The following OR5AN1 variants were observed in gnomAD, a reference collection of about 807,000 sequenced individuals.
OR5AN1 encodes olfactory receptor family 5 subfamily AN member 1.
For missense variants in OR5AN1, 476 were observed against 368.9 expected, an observed-to-expected ratio of 1.29 and a Z score of -2.38; for synonymous variants, 167 against 131.8, an observed-to-expected ratio of 1.27 and a Z score of -1.83.
intron 1 of OR5AN1, 179 bp downstream of exon 1, chr11:59,359,451 A>G (rs1565051518): frequency 6.6e-6 from 1 of 152,170 alleles, no homozygotes; most frequent in Non-Finnish European, 1.5e-5. Flanking sequence ...TTTCAGAGGA[A>G]TTTCCTCAGA....
chr11:59,369,458 C>G lies in OR5AN1; in HGVS notation c.*4064C>G, dbSNP rs1175876373. The G allele has an allele frequency of 6.6e-6, 1 of 152,026 alleles. No individual in the cohort carries two copies. The allele number at this position is 152,026 out of a possible 1,614,324, so 9.4% of individuals were successfully genotyped here. A position where few individuals can be genotyped will look rare whatever the true frequency, so the allele number is the denominator to read the frequency against. On this transcript the variant is annotated 3_prime_UTR_variant, in exon 2 of 2. Coordinates refer to ENST00000641998, the MANE Select transcript of OR5AN1 (RefSeq NM_001004729.2). ...TCTGACAGAGCTGAATAGCGCAATA[C>G]AAGAATTCCACAATGCAATCAAAAG...
chr11:59,367,155 A>G lies in OR5AN1; in HGVS notation c.*1761A>G, dbSNP rs751302751. ...TGCCAATTCAAACCTTAAGAAAACT[A>G]GAGGAGAAGTGGAGGAGTGGGCAAG... On this transcript the variant is annotated 3_prime_UTR_variant, in exon 2 of 2. Transcript: ENST00000641998. The G allele has an allele frequency of 4.6e-5, 7 of 152,242 alleles. No individual in the cohort carries two copies. Among genetic ancestry groups the G allele is most frequent in the Admixed American group, 6.5e-5 (1 of 15,280 alleles). The allele number at this position is 152,242 out of a possible 1,614,324, so 9.4% of individuals were successfully genotyped here. A position where few individuals can be genotyped will look rare whatever the true frequency, so the allele number is the denominator to read the frequency against.
At position 59,365,098 on chromosome 11, in the gene OR5AN1, G is replaced by T. The variant is rs771276228; in HGVS notation, c.640G>T (p.Val214Phe). 8 of 1,613,984 alleles carry T rather than the reference G, an allele frequency of 5.0e-6. No homozygotes were observed. In the Admixed American group the frequency reaches 6.7e-5, roughly 13 times the overall value. The change falls in exon 2 of 2, where the codon GTT (valine) becomes TTT (phenylalanine). Residue 214 changes from valine (V) to phenylalanine (F), a missense_variant. Physicochemically the swap from Val to Phe is conservative, Grantham distance 50 (BLOSUM62 -1). Transcript: ENST00000641998. ...GTTCTTTGGGATAGCAAGTGCCCTA[G>T]TTATCATGATATCCTATGGCTATAT... Reference protein sequence around the residue: ...TMFFGIASALVIMISYGYIGI... With the variant: ...TMFFGIASALFIMISYGYIGI...
rs1363396328 is a variant in OR5AN1 at position 59,364,951 on chromosome 11, C to T, written c.493C>T (p.Leu165Phe). Residue 165 changes from leucine (L) to phenylalanine (F), a missense_variant, in exon 2 of 2, where the codon CTT (leucine) becomes TTT (phenylalanine). Transcript: ENST00000641998. ...TTCTTTATTCCAAATTGGTGCTTTG[C>T]TTCAACTCCACTTCTGTGGGTCTAA... ...TASLFQIGALLQLHFCGSNVI... is the reference protein window; with the variant it reads ...TASLFQIGALFQLHFCGSNVI... 1.2e-6 allele frequency: 2 copies of T among 1,614,128 alleles called. No individual in the cohort carries two copies. Among genetic ancestry groups the T allele is most frequent in the Non-Finnish European group, 1.7e-6 (2 of 1,180,008 alleles).
chr11:59,362,297 C>A (rs1426374953), intron 1 of OR5AN1, among the ~76,000 whole-genome samples: 1 of 151,996 alleles, frequency 6.6e-6, no homozygotes, highest in African/African-American at 2.4e-5. Context: ...AATTGCTTTG[C>A]CATATTTTTT....
Position 59,365,234 on chromosome 11 carries a change from T to C in OR5AN1, c.776T>C (p.Val259Ala). Residue 259 changes from valine (V) to alanine (A), a missense_variant, in exon 2 of 2, where the codon GTC (valine) becomes GCC (alanine). Transcript: ENST00000641998. ...CTCTTCTATACATCAGGAATCTTTG[T>C]CTATTTGAGTTCCAGCTCTGGAGGT... ...VSLFYTSGIF[V>A]YLSSSSGGSS... is the part of the protein sequence containing the mutation. 28 of 1,614,118 alleles carry C rather than the reference T, an allele frequency of 1.7e-5. No homozygotes were observed. Among genetic ancestry groups the C allele is most frequent in the Non-Finnish European group, 2.4e-5 (28 of 1,180,000 alleles).
In OR5AN1 at chr11:59,367,172, G is replaced by C. The variant is rs1857544460; in HGVS notation, c.*1778G>C. The C allele has an allele frequency of 6.6e-6, 1 of 152,204 alleles. No individual in the cohort carries two copies. Among genetic ancestry groups the C allele is most frequent in the Admixed American group, 6.5e-5 (1 of 15,276 alleles). 9.4% of individuals were successfully genotyped at this position (152,204 alleles called of 1,614,324 possible). A position where few individuals can be genotyped will look rare whatever the true frequency, so the allele number is the denominator to read the frequency against. ...AGAAAACTAGAGGAGAAGTGGAGGA[G>C]TGGGCAAGATGGCTGACCAGAAGCA... On this transcript the variant is annotated 3_prime_UTR_variant, in exon 2 of 2. Coordinates refer to ENST00000641998, the MANE Select transcript of OR5AN1 (RefSeq NM_001004729.2).
intron 1 of OR5AN1, among the ~76,000 whole-genome samples, chr11:59,361,545 T>G (rs1565052020): frequency 6.6e-6 from 1 of 152,200 alleles, no homozygotes; most frequent in South Asian, 2.1e-4. Context: ...CCTCCCATAG[T>G]GCTGGGATTA....
chr11:59,367,794 C>T lies in OR5AN1; in HGVS notation c.*2400C>T, dbSNP rs1036697818. On this transcript the variant is annotated 3_prime_UTR_variant, in exon 2 of 2. Transcript: ENST00000641998. ...CCCATTCCTCTTCACTGGGCAGGAC[C>T]TCCCAACTGGGGCCTGCAGCCACCC... The T allele has an allele frequency of 6.6e-6, 1 of 152,418 alleles. No individual in the cohort carries two copies. Among genetic ancestry groups the T allele is most frequent in the Non-Finnish European group, 1.5e-5 (1 of 68,232 alleles). The allele number at this position is 152,418 out of a possible 1,614,324, so 9.4% of individuals were successfully genotyped here.
rs571077570 is a variant in OR5AN1 at position 59,369,498 on chromosome 11, T to C, written c.*4104T>C. ...GCAATCAAAAGTATTAAGAGCAGAA[T>C]AAACCAAGCTGAGGAAACAATCTCA... On this transcript the variant is annotated 3_prime_UTR_variant, in exon 2 of 2. Transcript: ENST00000641998. The C allele has an allele frequency of 6.6e-6, 1 of 152,018 alleles. No individual in the cohort carries two copies. The highest frequency in any genetic ancestry group is 2.4e-5 in the African/African-American group (1 of 41,456). The allele number at this position is 152,018 out of a possible 1,614,324, so 9.4% of individuals were successfully genotyped here. A position where few individuals can be genotyped will look rare whatever the true frequency, so the allele number is the denominator to read the frequency against.
At chr11:59,362,948 A>G (rs974598980) in intron 1 of OR5AN1, among the ~76,000 whole-genome samples, 1 of 152,212 alleles carries the variant, frequency 6.6e-6, no homozygotes, top group Admixed American at 6.5e-5. Context: ...AAGCAAACTG[A>G]AGAAAAAATG....
intron 1 of OR5AN1, among the ~76,000 whole-genome samples, chr11:59,361,091 T>C (rs1857457386): frequency 6.6e-6 from 1 of 151,810 alleles, no homozygotes; most frequent in Admixed American, 6.6e-5. Flanking sequence ...TTCAGCTGTG[T>C]GGGAGATAAC....
At position 59,369,204 on chromosome 11, in the gene OR5AN1, C is replaced by T. The variant is rs1318901973; in HGVS notation, c.*3810C>T. The T allele has an allele frequency of 6.6e-6, 1 of 151,506 alleles. No homozygotes were observed. Among genetic ancestry groups the T allele is most frequent in the Non-Finnish European group, 1.5e-5 (1 of 67,932 alleles). The allele number at this position is 151,506 out of a possible 1,614,324, so 9.4% of individuals were successfully genotyped here. A position where few individuals can be genotyped will look rare whatever the true frequency, so the allele number is the denominator to read the frequency against. On this transcript the variant is annotated 3_prime_UTR_variant, in exon 2 of 2. Coordinates refer to ENST00000641998, the MANE Select transcript of OR5AN1 (RefSeq NM_001004729.2). The stretch of plus-strand genomic sequence containing the variant: ...GTAAGAACTCTGGTAACTCAAATGG[C>T]CAAAATATCATATGTCCTCCAAATG...
At position 59,365,770 on chromosome 11, in the gene OR5AN1, C is replaced by G. The variant is rs1194672135; in HGVS notation, c.*376C>G. 5.6e-6 allele frequency: 1 copy of G among 179,052 alleles called. No individual in the cohort carries two copies. Among genetic ancestry groups the G allele is most frequent in the Non-Finnish European group, 1.2e-5 (1 of 86,232 alleles). 11.1% of individuals were successfully genotyped at this position (179,052 alleles called of 1,614,324 possible). ...GCCACTACAGAAATGAGGCCTGGCA[C>G]AGACCCCCAGGAGTTCAGAAACATC... On this transcript the variant is annotated 3_prime_UTR_variant, in exon 2 of 2. Coordinates refer to ENST00000641998, the MANE Select transcript of OR5AN1 (RefSeq NM_001004729.2).
In OR5AN1 at chr11:59,364,858, T is replaced by C. The variant is rs764159978; in HGVS notation, c.400T>C (p.Ser134Pro). The C allele has an allele frequency of 3.0e-5, 48 of 1,613,846 alleles. No homozygotes were observed. In the South Asian group the frequency reaches 4.3e-4, roughly 14 times the overall value. ...TGCCATTTGTAACCCCCTGCTCTAT[T>C]CATCCATCATGTCACCCACCCTCTG... ...YAAICNPLLY[S>P]SIMSPTLCVW... The change falls in exon 2 of 2, where the codon TCA (serine) becomes CCA (proline). Residue 134 changes from serine (S) to proline (P), a missense_variant. Physicochemically the swap from Ser to Pro is moderately conservative, Grantham distance 74 (BLOSUM62 -1). Transcript: ENST00000641998.
At position 59,365,128 on chromosome 11, in the gene OR5AN1, A is replaced by T; in HGVS notation, c.670A>T (p.Ile224Phe). Residue 224 changes from isoleucine (I) to phenylalanine (F), a missense_variant, in exon 2 of 2, where the codon ATC becomes TTC. Physicochemically the swap from Ile to Phe is conservative, Grantham distance 21 (BLOSUM62 0). Transcript: ENST00000641998. ...VIMISYGYIG[I>F]SIMKITSAKG... ...CATGATATCCTATGGCTATATTGGC[A>T]TCTCCATCATGAAGATCACTTCAGC... The T allele has an allele frequency of 6.2e-7, 1 of 1,614,134 alleles. No homozygotes were observed. Among genetic ancestry groups the T allele is most frequent in the Non-Finnish European group, 8.5e-7 (1 of 1,179,994 alleles).
At position 59,364,707 on chromosome 11, in the gene OR5AN1, C is replaced by T; in HGVS notation, c.249C>T (p.Leu83=). 1 of 1,613,866 alleles carries T rather than the reference C, an allele frequency of 6.2e-7. No homozygotes were observed. Among genetic ancestry groups the T allele is most frequent in the Non-Finnish European group, 8.5e-7 (1 of 1,179,880 alleles). ...TCAGCTCCACAGTCCCCAAGATGCT[C>T]TCCAACCTCTTACAGGAACAGCAAA... ...CYISSTVPKM[L]SNLLQEQQTI... is the part of the protein sequence containing the mutation. The change falls in exon 2 of 2, where the codon CTC becomes CTT. Residue 83 remains leucine (L), a synonymous_variant. Coordinates refer to ENST00000641998, the MANE Select transcript of OR5AN1 (RefSeq NM_001004729.2).
chr11:59,363,125 G>A (rs1857482362), intron 1 of OR5AN1, among the ~76,000 whole-genome samples: 1 of 152,144 alleles, frequency 6.6e-6, no homozygotes, highest in South Asian at 2.1e-4. Context: ...CTACCCACAG[G>A]TATACCTGTC....
At position 59,364,854 on chromosome 11, in the gene OR5AN1, C is replaced by T. The variant is rs199653084; in HGVS notation, c.396C>T (p.Leu132=). 3.7e-6 allele frequency: 6 copies of T among 1,613,938 alleles called. No homozygotes were observed. The East Asian group carries it at 1.1e-4, about 30-fold the overall frequency. Residue 132 remains leucine, a synonymous_variant, in exon 2 of 2, where the codon CTC becomes CTT. Coordinates refer to ENST00000641998, the MANE Select transcript of OR5AN1 (RefSeq NM_001004729.2). ...DRYAAICNPL[L]YSSIMSPTLC... ...ATGCTGCCATTTGTAACCCCCTGCT[C>T]TATTCATCCATCATGTCACCCACCC...
Sources: gnomAD v4.1 joint callset for allele counts (sites outside exome capture counted in the v4.1 genomes callset) on GRCh38, gnomAD v4.1.1 for gene constraint, MANE v1.5 for transcripts, NCBI Gene and HGNC (gene_info 2026-07-23, HGNC 2026-07-21) for gene names.